Variants in DNM2 observed in about 807,000 individuals in gnomAD.
DNM2 encodes dynamin 2.
DNM2 carries 15 observed loss-of-function variants against 99.0 expected under a neutral mutation model. That is an observed-to-expected ratio of 0.15 (90% CI 0.10 to 0.23). The LOEUF (loss-of-function observed/expected upper bound fraction) is 0.23. DNM2 is among the 10% of genes least tolerant of loss of function. DNM2 has a pLI of 1.00. For missense variants in DNM2, 742 were observed against 1,189.4 expected (o/e 0.62, Z 5.53); for synonymous variants, 525 against 481.2 (o/e 1.09, Z -1.19).
chr19:10,718,677 C>T (rs968321452), intron 1 of DNM2: 5 of 312,198 alleles, frequency 1.6e-5, no homozygotes, highest in African/African-American at 8.8e-5. Flanking sequence ...CCATCTGGTC[C>T]CAGCTTTCGT....
intron 2 of DNM2, among the ~76,000 whole-genome samples, chr19:10,766,728 C>T (rs76860016): frequency 2.9e-3 from 435 of 152,224 alleles, no homozygotes; most frequent in African/African-American, 0.01. Flanking sequence ...CCCGCAAGTA[C>T]AACCAGTGGG....
At chr19:10,785,903 C>T (rs950181573) in intron 6 of DNM2, among the ~76,000 whole-genome samples, 6 of 150,112 alleles carry the variant, frequency 4.0e-5, no homozygotes, top group South Asian at 4.3e-4. Context: ...CTCCACCTCC[C>T]GAGTTCTTTC....
intron 1 of DNM2, among the ~76,000 whole-genome samples, chr19:10,724,166 A>G (rs895037217): frequency 6.6e-6 from 1 of 151,718 alleles, no homozygotes; most frequent in Admixed American, 6.6e-5. Flanking sequence ...TGGAGGGGGT[A>G]CATTTTATTT....
intron 13 of DNM2, among the ~76,000 whole-genome samples, chr19:10,806,946 G>T: frequency 6.6e-6 from 1 of 152,158 alleles, no homozygotes; most frequent in East Asian, 1.9e-4. Flanking sequence ...AGGGGAGCTT[G>T]GGATAGTTGA....
Position 10,830,355 on chromosome 19 carries a change from A to G in DNM2, c.2520A>G (p.Pro840=). The change falls in exon 20 of 21, where the codon CCA becomes CCG. Residue 840 remains proline (P), a synonymous_variant. Coordinates refer to ENST00000389253, the MANE Select transcript of DNM2 (RefSeq NM_001005361.3). The surrounding 1 kb of genome is among the most constrained non-coding windows in gnomAD (Gnocchi z 4.8). ...CATCTCGGCCAGTTCGGATCCCCCC[A>G]GGGATTCCCCCAGGAGTGCCCAGGT... The part of the protein sequence containing the change: ...QIPSRPVRIP[P]GIPPGVPSRR... The G allele has an allele frequency of 6.2e-7, 1 of 1,611,818 alleles. No individual in the cohort carries two copies. The highest frequency in any genetic ancestry group is 8.5e-7 in the Non-Finnish European group (1 of 1,179,610).
intron 1 of DNM2, among the ~76,000 whole-genome samples, chr19:10,725,635 A>T (rs562440669): frequency 6.6e-6 from 1 of 152,182 alleles, no homozygotes; most frequent in East Asian, 1.9e-4. Context: ...GAAAATGGGA[A>T]CATGGTGGTC....
At chr19:10,748,554 G>A (rs1214881551) in intron 1 of DNM2, among the ~76,000 whole-genome samples, 3 of 152,190 alleles carry the variant, frequency 2.0e-5, no homozygotes, top group Admixed American at 6.5e-5. Context: ...GGCAGGGACC[G>A]AGGTGGGCAG....
chr19:10,767,908 A>G (rs1045114198), intron 2 of DNM2, among the ~76,000 whole-genome samples: 11 of 152,072 alleles, frequency 7.2e-5, no homozygotes, highest in African/African-American at 2.7e-4. Context: ...TCAGTCTCAA[A>G]ACAAACAAAC....
chr19:10,826,143 T>C (rs1265675597), intron 18 of DNM2, among the ~76,000 whole-genome samples: 1 of 152,166 alleles, frequency 6.6e-6, no homozygotes, highest in African/African-American at 2.4e-5. Context: ...ACTGGGTCCA[T>C]AGTCCCATCA....
intron 1 of DNM2, among the ~76,000 whole-genome samples, chr19:10,739,697 A>G (rs909616364): frequency 6.6e-6 from 1 of 152,010 alleles, no homozygotes; most frequent in African/African-American, 2.4e-5. Context: ...CTCTACTAAA[A>G]ATACAAAAAT....
chr19:10,719,453 G>A lies in DNM2; in HGVS notation c.161+1050G>A, dbSNP rs917820554. On this transcript the variant is annotated intron_variant, in intron 1 of 20. Transcript: ENST00000389253. ...ATCAGGCCTCAGTGGCTAGCGCTGG[G>A]ATGTAGCCTTCTCTGGACAGCCTTG... is the stretch of plus-strand genomic sequence containing the variant. 5.9e-5 allele frequency among the ~76,000 whole-genome samples: 9 copies of A among 152,146 alleles called. No homozygotes were observed. In the South Asian group the frequency reaches 8.3e-4, roughly 14 times the overall value.
At chr19:10,788,227 C>T (rs1042749882) in intron 7 of DNM2, among the ~76,000 whole-genome samples, 4 of 146,316 alleles carry the variant, frequency 2.7e-5, no homozygotes, top group African/African-American at 7.6e-5. Flanking sequence ...AGTAAGACTC[C>T]GTCTCAAAAA....
At position 10,805,769 on chromosome 19, in the gene DNM2, C is replaced by T. The variant is rs545885449; in HGVS notation, c.1494-147C>T. 1.0e-3 allele frequency: 983 copies of T among 940,430 alleles called. 9 individuals carry two copies. The South Asian group carries it at 0.013, about 12-fold the overall frequency. The allele number at this position is 940,430 out of a possible 1,614,324, so 58.3% of individuals were successfully genotyped here. ...GTGTGCCCAGGCCGTTTCCCTTGCG[C>T]AGCTCTGTGTGTGCAGGGGGCTTCT... On this transcript the variant is annotated intron_variant, in intron 12 of 20. Transcript: ENST00000389253.
chr19:10,802,889 A>G (rs527843567), intron 12 of DNM2, among the ~76,000 whole-genome samples: 110 of 152,300 alleles, frequency 7.2e-4, no homozygotes, highest in Non-Finnish European at 1.2e-3. Context: ...ATGTCGATTC[A>G]GTGTGCGTGG....
chr19:10,729,950 C>T (rs918099978), intron 1 of DNM2, among the ~76,000 whole-genome samples: 3 of 151,822 alleles, frequency 2.0e-5, no homozygotes, highest in African/African-American at 7.3e-5. Context: ...GCAGCCTTGA[C>T]ATCCTGTGCT....
chr19:10,741,727 A>G (rs1225799702), intron 1 of DNM2, among the ~76,000 whole-genome samples: 3 of 150,326 alleles, frequency 2.0e-5, no homozygotes, highest in Non-Finnish European at 3.0e-5. Flanking sequence ...TTTTTTTTGT[A>G]TTTTTAGTAG....
chr19:10,792,415 G>A (rs1203291635), intron 7 of DNM2, among the ~76,000 whole-genome samples: 6 of 152,178 alleles, frequency 3.9e-5, no homozygotes, highest in Non-Finnish European at 8.8e-5. Context: ...ACCCTAAGGA[G>A]AGCAATTAGG....
chr19:10,796,818 G>A lies in DNM2; in HGVS notation c.1197-562G>A, dbSNP rs1025693605. Among the ~76,000 whole-genome samples the A allele has an allele frequency of 3.3e-5, 5 of 152,078 alleles. No homozygotes were observed. The highest frequency in any genetic ancestry group is 5.9e-5 in the Non-Finnish European group (4 of 68,022). ...AGCCACTGCCTCCACTCAGCAGGAC[G>A]CGCCGGGCTCCCCCAACCCGCGCCA... On this transcript the variant is annotated intron_variant, in intron 9 of 20. Transcript: ENST00000389253. The surrounding 1 kb of genome is among the most constrained non-coding windows in gnomAD (Gnocchi z 5.6).
At chr19:10,719,220 T>C (rs1294841258) in intron 1 of DNM2, among the ~76,000 whole-genome samples, 1 of 152,082 alleles carries the variant, frequency 6.6e-6, no homozygotes, top group Non-Finnish European at 1.5e-5. Context: ...ACAACGGCTC[T>C]GGAAAGGGGT....
Sources: allele counts gnomAD v4.1 joint callset (sites outside exome capture counted in the v4.1 genomes callset), GRCh38; gene constraint gnomAD v4.1.1; non-coding constraint Gnocchi (gnomAD v3.1); transcripts MANE v1.5; gene names NCBI Gene and HGNC (gene_info 2026-07-23, HGNC 2026-07-21).